Variants in KICS2 observed in about 807,000 individuals in gnomAD.
The protein encoded by KICS2 is KICSTOR subunit 2, also known as KICSTOR complex protein C12orf66.
Under a neutral mutation model 31.4 loss-of-function variants are expected in KICS2, and 13 were observed. The observed-to-expected ratio is 0.41, with a 90% CI of 0.27 to 0.66. KICS2 has a LOEUF of 0.66. Ranked by LOEUF, KICS2 falls within the 30% of genes least tolerant of loss-of-function variation. The pLI is 0.28. For synonymous variants in KICS2, 209 were observed against 214.8 expected (o/e 0.97, Z 0.24); for missense variants, 455 against 545.4 (o/e 0.83, Z 1.65).
Position 64,191,731 on chromosome 12 carries a change from T to C in KICS2, c.*2111A>G, listed in dbSNP as rs1026950119. The C allele has an allele frequency of 4.6e-5, 7 of 152,198 alleles. No homozygotes were observed. Among genetic ancestry groups the C allele is most frequent in the Admixed American group, 2.6e-4 (4 of 15,270 alleles). The allele number at this position is 152,198 out of a possible 1,614,324, so 9.4% of individuals were successfully genotyped here. On this transcript the variant is annotated 3_prime_UTR_variant, in exon 3 of 3. Transcript: ENST00000398055. The stretch of plus-strand genomic sequence containing the variant: ...AAAATGCAGAGGTAAATCACTACTT[T>C]CTATTTAAAGCAAACTAGCTTTTTA...
At position 64,194,479 on chromosome 12, in the gene KICS2, C is replaced by T. The variant is rs755696160; in HGVS notation, c.701G>A (p.Arg234Gln). 2.5e-6 allele frequency: 4 copies of T among 1,613,968 alleles called. No individual in the cohort carries two copies. The highest frequency in any genetic ancestry group is 2.5e-6 in the Non-Finnish European group (3 of 1,180,032). ...QTWGQIFEKQ[R>Q]ETKKHLFGGQ... ...TCCAAACAGATGTTTCTTGGTCTCCCGCTGTTTCTCAAAGATCTGGCCCCA... is the reference window on the plus strand; with the variant it reads ...TCCAAACAGATGTTTCTTGGTCTCCTGCTGTTTCTCAAAGATCTGGCCCCA... The change falls in exon 3 of 3, where the codon CGG becomes CAG. Residue 234 changes from arginine (R) to glutamine (Q), a missense_variant. By Grantham distance (43) the Arg-to-Gln change is conservative. Transcript: ENST00000398055.
chr12:64,221,903 T>C lies in KICS2; in HGVS notation c.235+100A>G, dbSNP rs529700119. The C allele has an allele frequency of 2.6e-5, 33 of 1,290,572 alleles. No homozygotes were observed. The African/African-American group carries it at 3.1e-4, about 12-fold the overall frequency. The allele number at this position is 1,290,572 out of a possible 1,614,324, so 79.9% of individuals were successfully genotyped here. ...GGGAATGCCGAGTCGAGCCTGCGAC[T>C]AGAAGTGACACAGAGACGGGAAACC... On this transcript the variant is annotated intron_variant, in intron 1 of 2. Transcript: ENST00000398055.
intron 2 of KICS2, among the ~76,000 whole-genome samples, chr12:64,202,265 G>C (rs2037497513): frequency 6.6e-6 from 1 of 152,098 alleles, no homozygotes; most frequent in South Asian, 2.1e-4. Context: ...AATTAGTCAA[G>C]TGTGGTGGTG....
chr12:64,186,923 C>G (rs1469641357), downstream of KICS2: 1 of 152,232 alleles, frequency 6.6e-6, no homozygotes, highest in African/African-American at 2.4e-5. Context: ...ACTGCTCTGA[C>G]ACTGGCCTAG....
In KICS2 at chr12:64,215,712, G is replaced by T; in HGVS notation, c.487C>A (p.Leu163Ile). ...TATTTTTTCATGATGGCATCCAAAAGGCCAACGAGCTCTTCAGCATTGATG... is the reference window on the plus strand; with the variant it reads ...TATTTTTTCATGATGGCATCCAAAATGCCAACGAGCTCTTCAGCATTGATG... ...KFINAEELVG[L>I]LDAIMKKYSS... Residue 163 changes from leucine to isoleucine, a missense_variant, in exon 2 of 3, where the codon CTT becomes ATT. Coordinates refer to ENST00000398055, the MANE Select transcript of KICS2 (RefSeq NM_152440.5). The T allele has an allele frequency of 6.2e-7, 1 of 1,613,732 alleles. No homozygotes were observed. The highest frequency in any genetic ancestry group is 1.1e-5 in the South Asian group (1 of 91,054).
chr12:64,205,186 C>T (rs2037525592), intron 2 of KICS2, among the ~76,000 whole-genome samples: 1 of 152,164 alleles, frequency 6.6e-6, no homozygotes. Flanking sequence ...AGCTGAAAAT[C>T]ATCATTCAAA....
At chr12:64,191,039 G>T (rs1162212342), downstream of KICS2, 1 of 152,230 alleles carries the variant, frequency 6.6e-6, no homozygotes, top group Non-Finnish European at 1.5e-5. Flanking sequence ...TTATCAAGTT[G>T]TGGTTTAGAA....
At chr12:64,187,710 G>A, downstream of KICS2, 1 of 1,401,146 alleles carries the variant, frequency 7.1e-7, no homozygotes, top group Non-Finnish European at 9.7e-7. Flanking sequence ...GGGCTTTTGT[G>A]GGGAGTCACA....
At chr12:64,204,963 C>T (rs2037523518) in intron 2 of KICS2, 1 of 152,124 alleles carries the variant, frequency 6.6e-6, no homozygotes, top group Non-Finnish European at 1.5e-5. Flanking sequence ...GTCTCAAAAT[C>T]TTTGAATTGT....
chr12:64,190,982 C>A (rs776134057), downstream of KICS2: 2 of 152,078 alleles, frequency 1.3e-5, no homozygotes, highest in African/African-American at 4.8e-5. Flanking sequence ...TGGATGGAAC[C>A]CTTGGAAAAC....
chr12:64,187,654 T>C (rs1321576946), downstream of KICS2: 3 of 1,535,630 alleles, frequency 2.0e-6, no homozygotes, highest in South Asian at 2.4e-5. Context: ...AACAGGAACC[T>C]GGTAGAAAAG....
chr12:64,222,171 A>G lies in KICS2; in HGVS notation c.67T>C (p.Ser23Pro). 1 of 1,614,068 alleles carries G rather than the reference A, an allele frequency of 6.2e-7. No individual in the cohort carries two copies. Among genetic ancestry groups the G allele is most frequent in the Non-Finnish European group, 8.5e-7 (1 of 1,179,952 alleles). ...VEQAVLETFF[S>P]HLGIFSYDKA... ...TCGTAAGAGAAGATACCCAGGTGAG[A>G]GAAGAACGTCTCCAGCACCGCCTGT... Residue 23 changes from serine to proline, a missense_variant, in exon 1 of 3, where the codon TCT becomes CCT. Ser to Pro is a moderately conservative substitution (Grantham distance 74, BLOSUM62 -1). Coordinates refer to ENST00000398055, the MANE Select transcript of KICS2 (RefSeq NM_152440.5).
intron 1 of KICS2, among the ~76,000 whole-genome samples, chr12:64,218,127 A>G (rs1036456081): frequency 2.0e-5 from 3 of 152,336 alleles, no homozygotes; most frequent in South Asian, 2.1e-4. Context: ...TGTGACACCA[A>G]TATCTCATAC....
chr12:64,195,903 A>G, intron 2 of KICS2, among the ~76,000 whole-genome samples: 1 of 152,136 alleles, frequency 6.6e-6, no homozygotes, highest in East Asian at 1.9e-4. Context: ...TGACTTAAAA[A>G]ACGGCGCACC....
intron 2 of KICS2, 101 bp from the exon 3 acceptor site, chr12:64,194,759 T>C: frequency 7.0e-7 from 1 of 1,419,368 alleles, no homozygotes; most frequent in Non-Finnish European, 9.3e-7. Flanking sequence ...AACATAATAT[T>C]ATGCTTCAGG....
rs375707826 is a variant in KICS2, at chr12:64,198,778, T to C, written c.522-4120A>G. ...AAAATGATAAAGGGGATATCACCACTGATCCCACAGAAATACAAACTACCA... is the reference window on the plus strand; with the variant it reads ...AAAATGATAAAGGGGATATCACCACCGATCCCACAGAAATACAAACTACCA... On this transcript the variant is annotated intron_variant, in intron 2 of 2. Coordinates refer to ENST00000398055, the MANE Select transcript of KICS2 (RefSeq NM_152440.5). 1.0e-4 allele frequency among the ~76,000 whole-genome samples: 14 copies of C among 135,232 alleles called. No homozygotes were observed. In the East Asian group the frequency reaches 1.2e-3, roughly 11 times the overall value. 88.7% of individuals were successfully genotyped at this position (135,232 alleles called of 152,430 possible).
chr12:64,187,554 G>T (rs1263598850), downstream of KICS2: 15 of 1,307,710 alleles, frequency 1.1e-5, no homozygotes, highest in Non-Finnish European at 1.6e-5. Context: ...AGGCAGAAAT[G>T]CACATCAAGC....
At chr12:64,189,991 T>C (rs910271167), downstream of KICS2, among the ~76,000 whole-genome samples, 3 of 151,966 alleles carry the variant, frequency 2.0e-5, no homozygotes, top group Non-Finnish European at 4.4e-5. Flanking sequence ...AATCATAATA[T>C]AGGAGAACTA....
intron 2 of KICS2, among the ~76,000 whole-genome samples, chr12:64,207,810 A>T (rs986393037): frequency 6.6e-6 from 1 of 152,208 alleles, no homozygotes; most frequent in Non-Finnish European, 1.5e-5. Context: ...GAAGTCTGTT[A>T]TGCAGACTTA....
Sources: gnomAD v4.1 joint callset for allele counts (sites outside exome capture counted in the v4.1 genomes callset) on GRCh38, gnomAD v4.1.1 for gene constraint, MANE v1.5 for transcripts, NCBI Gene and HGNC (gene_info 2026-07-23, HGNC 2026-07-21) for gene names.